The following XPO5 variants were observed in gnomAD, a reference collection of about 807,000 sequenced individuals.
The protein encoded by XPO5 is exportin-5.
In XPO5, 46 loss-of-function variants were observed where a neutral mutation model predicts 160.6. The observed-to-expected ratio is 0.29, with a 90% CI of 0.23 to 0.37. The LOEUF (loss-of-function observed/expected upper bound fraction) is 0.37. Among genes scored for constraint, XPO5 ranks in the 10% least tolerant of loss-of-function variants. The probability of loss-of-function intolerance (pLI) is 1.00; values close to 1 mark genes in which losing one functional copy is unlikely to be tolerated. For synonymous variants in XPO5, 537 were observed against 519.3 expected (o/e 1.03, Z -0.46); for missense variants, 1,090 against 1,463.9 (o/e 0.74, Z 4.17).
At chr6:43,547,250 A>G in intron 19 of XPO5, 1 of 376,128 alleles carries the variant, frequency 2.7e-6, no homozygotes, top group Non-Finnish European at 5.0e-6. Context: ...GAAAAATCTC[A>G]GGTTTGCAAG....
At chr6:43,574,913 G>T (rs1763219115) in intron 1 of XPO5, among the ~76,000 whole-genome samples, 1 of 152,152 alleles carries the variant, frequency 6.6e-6, no homozygotes, top group Non-Finnish European at 1.5e-5. Flanking sequence ...TCCTCCAAGT[G>T]GTGGTCACTC....
At chr6:43,572,127 G>C (rs949062376) in intron 3 of XPO5, among the ~76,000 whole-genome samples, 2 of 152,184 alleles carry the variant, frequency 1.3e-5, no homozygotes, top group African/African-American at 4.8e-5. Context: ...GCACAGGCTG[G>C]AGTGCCATGG....
At chr6:43,541,821 A>G (rs1254475758) in intron 20 of XPO5, among the ~76,000 whole-genome samples, 1 of 152,228 alleles carries the variant, frequency 6.6e-6, no homozygotes, top group Non-Finnish European at 1.5e-5. Flanking sequence ...TCTTTCTCCC[A>G]GGCTGGAGTG....
At chr6:43,533,823 T>A in intron 21 of XPO5, 84 bp downstream of exon 21, 1 of 1,029,500 alleles carries the variant, frequency 9.7e-7, no homozygotes, top group Non-Finnish European at 1.4e-6. Flanking sequence ...TGACAGAGAC[T>A]ATGACTCTTA....
intron 13 of XPO5, chr6:43,554,858 A>G (rs987198637): frequency 1.3e-5 from 2 of 152,246 alleles, no homozygotes; most frequent in African/African-American, 4.8e-5. Context: ...AATTGTAAAT[A>G]AAGCTGAATG....
chr6:43,533,803 C>G, intron 21 of XPO5, 104 bp downstream of exon 21: 1 of 800,274 alleles, frequency 1.2e-6, no homozygotes. Flanking sequence ...CCAGTGCACT[C>G]TAGCCTGGGT....
At chr6:43,574,500 A>ATC (rs1296325978) in intron 1 of XPO5, among the ~76,000 whole-genome samples, 4 of 151,220 alleles carry the variant, frequency 2.6e-5, no homozygotes, top group South Asian at 2.1e-4. Flanking sequence ...TTATATATAT[A>ATC]TTATGAATAA....
intron 20 of XPO5, among the ~76,000 whole-genome samples, chr6:43,540,029 C>T (rs534579881): frequency 6.6e-5 from 10 of 152,302 alleles, no homozygotes; most frequent in East Asian, 1.9e-4. Context: ...CCAAGATGGG[C>T]GGATCACCTG....
chr6:43,541,489 T>A (rs898334196), intron 20 of XPO5, among the ~76,000 whole-genome samples: 2 of 152,242 alleles, frequency 1.3e-5, no homozygotes, highest in African/African-American at 4.8e-5. Context: ...TTTAATACTT[T>A]CAAAGGGTTG....
At chr6:43,569,241 A>C (rs1762858326) in intron 5 of XPO5, among the ~76,000 whole-genome samples, 1 of 151,524 alleles carries the variant, frequency 6.6e-6, no homozygotes, top group Admixed American at 6.6e-5. Context: ...GCAGTGAACC[A>C]AGATTGCACT....
At chr6:43,564,698 C>G (rs1343102924) in intron 8 of XPO5, among the ~76,000 whole-genome samples, 1 of 152,050 alleles carries the variant, frequency 6.6e-6, no homozygotes, top group Non-Finnish European at 1.5e-5. Flanking sequence ...GACTTCCCAG[C>G]TCTAGTGACC....
At position 43,523,739 on chromosome 6, in the gene XPO5, A is replaced by G; in HGVS notation, c.*129T>C. 6.8e-7 allele frequency: 1 copy of G among 1,468,482 alleles called. No individual in the cohort carries two copies. The highest frequency in any genetic ancestry group is 1.1e-5 in the South Asian group (1 of 87,478). 91.0% of individuals were successfully genotyped at this position (1,468,482 alleles called of 1,614,324 possible). ...CAGGGCCTGTTCTCTCCAGCTCCAG[A>G]CCTGGATCTCTTTCCAGGCTGACAG... On this transcript the variant is annotated 3_prime_UTR_variant, in exon 32 of 32. Coordinates refer to ENST00000265351, the MANE Select transcript of XPO5 (RefSeq NM_020750.3).
At chr6:43,562,688 G>C (rs1762474779) in intron 8 of XPO5, among the ~76,000 whole-genome samples, 1 of 152,112 alleles carries the variant, frequency 6.6e-6, no homozygotes, top group African/African-American at 2.4e-5. Flanking sequence ...GGACAGGATG[G>C]TATTATGGTG....
chr6:43,572,481 T>C (rs763136350), intron 3 of XPO5, 25 bp downstream of exon 3: 2 of 1,612,478 alleles, frequency 1.2e-6, no homozygotes, highest in Non-Finnish European at 8.5e-7. Flanking sequence ...CTTGGAAACA[T>C]GTCTCCCAAC....
chr6:43,523,494 G>A lies in XPO5; in HGVS notation c.*374C>T, dbSNP rs925161137. 2.6e-6 allele frequency: 1 copy of A among 386,976 alleles called. No homozygotes were observed. The highest frequency in any genetic ancestry group is 5.1e-6 in the Non-Finnish European group (1 of 196,972). The allele number at this position is 386,976 out of a possible 1,614,324, so 24.0% of individuals were successfully genotyped here. On this transcript the variant is annotated 3_prime_UTR_variant, in exon 32 of 32. Transcript: ENST00000265351. Reference sequence around the variant, plus strand: ...TGTGCTCTTGCTGCGAGCCTTGCTAGTCGCAGGGTTGGGCACAGCACCCTT... The same window carrying A: ...TGTGCTCTTGCTGCGAGCCTTGCTAATCGCAGGGTTGGGCACAGCACCCTT...
chr6:43,570,311 CAAAAAAA>C (rs70990200), intron 5 of XPO5, among the ~76,000 whole-genome samples, 184 bp downstream of exon 5: 16 of 77,196 alleles, frequency 2.1e-4, no homozygotes, highest in Non-Finnish European at 4.1e-4. Flanking sequence ...GCCTCCGTCT[CAAAAAAA>C]AAAAAAAAAA....
intron 19 of XPO5, 188 bp downstream of exon 19, chr6:43,547,420 G>A: frequency 1.5e-6 from 1 of 683,758 alleles, no homozygotes; most frequent in Non-Finnish European, 2.7e-6. Context: ...AAGACCATCT[G>A]CTCTGCTGTG....
At chr6:43,526,048 T>C in intron 27 of XPO5, 127 bp from the exon 28 acceptor site, 2 of 975,922 alleles carry the variant, frequency 2.0e-6, no homozygotes, top group Non-Finnish European at 3.1e-6. Flanking sequence ...TAAGTAGTAC[T>C]AGGAGCCCTC....
chr6:43,535,532 T>C (rs555008785), intron 20 of XPO5, among the ~76,000 whole-genome samples: 2 of 152,200 alleles, frequency 1.3e-5, no homozygotes, highest in Admixed American at 6.6e-5. Context: ...TAAGCCTCCA[T>C]AGTTTGTTCT....
Sources: allele counts gnomAD v4.1 joint callset (sites outside exome capture counted in the v4.1 genomes callset), GRCh38; gene constraint gnomAD v4.1.1; transcripts MANE v1.5; gene names NCBI Gene and HGNC (gene_info 2026-07-23, HGNC 2026-07-21).